The following ALOX5 variants were observed in gnomAD, a reference collection of about 807,000 sequenced individuals.
The protein encoded by ALOX5 is arachidonate 5-lipoxygenase.
In ALOX5, 64 loss-of-function variants were observed where a neutral mutation model predicts 87.9. The observed-to-expected ratio is 0.73, with a 90% confidence interval of 0.60 to 0.90. The LOEUF (loss-of-function observed/expected upper bound fraction) is 0.90. Ranked by LOEUF, ALOX5 falls within the 40% of genes least tolerant of loss-of-function variation. The pLI, the probability that ALOX5 is intolerant of heterozygous loss-of-function variation, is 0.00. For synonymous variants in ALOX5, 388 were observed against 355.1 expected (o/e 1.09, Z -1.04); for missense variants, 822 against 907.5 (o/e 0.91, Z 1.21).
rs377688105 is a variant in ALOX5 at position 45,382,724 on chromosome 10, C to G, written c.349+43C>G. 5 of 1,575,608 alleles carry G rather than the reference C, an allele frequency of 3.2e-6. No homozygotes were observed. The South Asian group carries it at 3.4e-5, about 11-fold the overall frequency. ...CTTCTGCCCCGGGCTTCCCAAGAAC[C>G]GAAAGTTCTTCCTGTCCTCAAAGCA... is the stretch of plus-strand genomic sequence containing the variant. On this transcript the variant is annotated intron_variant, in intron 2 of 13. Transcript: ENST00000374391.
At chr10:45,432,082 A>T (rs923864622) in intron 7 of ALOX5, among the ~76,000 whole-genome samples, 2 of 152,128 alleles carry the variant, frequency 1.3e-5, no homozygotes, top group African/African-American at 4.8e-5. Context: ...CAATTAAAAA[A>T]TTGAAAGATT....
At chr10:45,401,358 C>T (rs115745656) in intron 3 of ALOX5, among the ~76,000 whole-genome samples, 2,427 of 151,770 alleles carry the variant, frequency 0.016, 60 homozygotes, top group African/African-American at 0.056. Flanking sequence ...GTTTTTTTAA[C>T]TCAAAAAAGT....
At chr10:45,403,389 G>A (rs1462083545) in intron 3 of ALOX5, among the ~76,000 whole-genome samples, 1 of 152,218 alleles carries the variant, frequency 6.6e-6, no homozygotes, top group Non-Finnish European at 1.5e-5. Flanking sequence ...AATTGTTTAG[G>A]GAGGTGTGTC....
At chr10:45,407,649 AT>A (rs1200518935) in intron 3 of ALOX5, among the ~76,000 whole-genome samples, 4 of 151,946 alleles carry the variant, frequency 2.6e-5, no homozygotes, top group Admixed American at 1.3e-4. Context: ...GTGAATCTGC[AT>A]TTTTTTTAAC....
At chr10:45,408,329 A>G (rs1339204102) in intron 3 of ALOX5, among the ~76,000 whole-genome samples, 2 of 152,176 alleles carry the variant, frequency 1.3e-5, no homozygotes, top group East Asian at 3.9e-4. Context: ...CAGTCAATAC[A>G]TGTAAGATGG....
chr10:45,406,769 G>A (rs1218072148), intron 3 of ALOX5, among the ~76,000 whole-genome samples: 1 of 152,140 alleles, frequency 6.6e-6, no homozygotes, highest in Non-Finnish European at 1.5e-5. Flanking sequence ...TTGTTAGTGA[G>A]TCTGGTTAGT....
intron 4 of ALOX5, among the ~76,000 whole-genome samples, chr10:45,416,387 A>G (rs1230717762): frequency 6.6e-6 from 1 of 152,156 alleles, no homozygotes; most frequent in Non-Finnish European, 1.5e-5. Context: ...ATTAAAACCT[A>G]ACATCTGGAT....
At chr10:45,424,914 G>T (rs374061729) in intron 5 of ALOX5, 46 bp from the exon 6 acceptor site, 25 of 1,606,412 alleles carry the variant, frequency 1.6e-5, no homozygotes, top group Non-Finnish European at 2.0e-5. Flanking sequence ...GGCCCTGGCT[G>T]CCCTCTACTC....
intron 4 of ALOX5, 109 bp downstream of exon 4, chr10:45,412,422 T>A: frequency 7.0e-7 from 1 of 1,418,988 alleles, no homozygotes; most frequent in Non-Finnish European, 9.6e-7. Flanking sequence ...GGGAACAGCC[T>A]AGCTGAGCCA....
intron 6 of ALOX5, among the ~76,000 whole-genome samples, chr10:45,427,046 A>C (rs1414824526): frequency 6.6e-6 from 1 of 152,156 alleles, no homozygotes; most frequent in Non-Finnish European, 1.5e-5. Context: ...GACAGGCAAA[A>C]ACTCCACTGT....
In ALOX5 at chr10:45,443,043, C is replaced by G. The variant is rs537072496; in HGVS notation, c.1278C>G (p.Asn426Lys). Residue 426 changes from asparagine to lysine, a missense_variant, in exon 10 of 14, where the codon AAC becomes AAG. Coordinates refer to ENST00000374391, the MANE Select transcript of ALOX5 (RefSeq NM_000698.5). ...ICECGLFDKANATGGGGHVQM... is the reference protein window; with the variant it reads ...ICECGLFDKAKATGGGGHVQM... ...CACTCTACCTCCCACTCCAGGCCAACGCCACAGGGGGCGGTGGGCACGTGC... is the reference window on the plus strand; with the variant it reads ...CACTCTACCTCCCACTCCAGGCCAAGGCCACAGGGGGCGGTGGGCACGTGC... The G allele has an allele frequency of 3.7e-6, 6 of 1,611,680 alleles. No homozygotes were observed. The Admixed American group carries it at 1.0e-4, about 27-fold the overall frequency.
At chr10:45,428,444 A>T (rs140697247) in intron 6 of ALOX5, 174 bp from the exon 7 acceptor site, 24 of 778,514 alleles carry the variant, frequency 3.1e-5, no homozygotes, top group Non-Finnish European at 4.2e-5. Flanking sequence ...ACCTGTGAAC[A>T]CCTTCCATGT....
chr10:45,443,135 C>T lies in ALOX5; in HGVS notation c.1370C>T (p.Ala457Val). 3 of 1,613,900 alleles carry T rather than the reference C, an allele frequency of 1.9e-6. No homozygotes were observed. The highest frequency in any genetic ancestry group is 2.5e-6 in the Non-Finnish European group (3 of 1,180,006). The change falls in exon 10 of 14, where the codon GCC becomes GTC. Residue 457 changes from alanine (A) to valine (V), a missense_variant. Coordinates refer to ENST00000374391, the MANE Select transcript of ALOX5 (RefSeq NM_000698.5). ...ASLCFPEAIK[A>V]RGMESKEDIP... Reference sequence around the variant, plus strand: ...CTGTGCTTTCCCGAGGCCATCAAGGCCCGGGGCATGGAGAGCAAAGAAGAC... The same window carrying T: ...CTGTGCTTTCCCGAGGCCATCAAGGTCCGGGGCATGGAGAGCAAAGAAGAC...
chr10:45,426,885 G>A (rs989949876), intron 6 of ALOX5, among the ~76,000 whole-genome samples: 2 of 152,088 alleles, frequency 1.3e-5, no homozygotes, highest in African/African-American at 4.8e-5. Context: ...CACCAGCTTA[G>A]CAAACACCAC....
At chr10:45,392,648 A>G (rs1273755826) in intron 2 of ALOX5, among the ~76,000 whole-genome samples, 1 of 151,648 alleles carries the variant, frequency 6.6e-6, no homozygotes, top group African/African-American at 2.4e-5. Flanking sequence ...TCCCTCCACT[A>G]TTGTCCTATG....
chr10:45,374,326 C>T lies in ALOX5; in HGVS notation c.47C>T (p.Ala16Val), dbSNP rs916062449. ...VTVATGSQWFAGTDDYIYLSL... is the reference protein window; with the variant it reads ...VTVATGSQWFVGTDDYIYLSL... ...GTGGCCACTGGCAGCCAGTGGTTCG[C>T]CGGCACTGACGACTACATCTACCTC... is the stretch of plus-strand genomic sequence containing the variant. Residue 16 changes from alanine to valine, a missense_variant, in exon 1 of 14, where the codon GCC (alanine) becomes GTC (valine). Coordinates refer to ENST00000374391, the MANE Select transcript of ALOX5 (RefSeq NM_000698.5). 6.6e-7 allele frequency: 1 copy of T among 1,526,104 alleles called. No individual in the cohort carries two copies. Among genetic ancestry groups the T allele is most frequent in the Admixed American group, 2.1e-5 (1 of 47,474 alleles). The allele number at this position is 1,526,104 out of a possible 1,614,324, so 94.5% of individuals were successfully genotyped here. A position where few individuals can be genotyped will look rare whatever the true frequency, so the allele number is the denominator to read the frequency against.
chr10:45,430,043 A>G (rs983114179), intron 7 of ALOX5, among the ~76,000 whole-genome samples: 5 of 152,200 alleles, frequency 3.3e-5, no homozygotes, highest in African/African-American at 1.2e-4. Flanking sequence ...GTTACCAGAG[A>G]GAAGCCCTGT....
intron 2 of ALOX5, among the ~76,000 whole-genome samples, chr10:45,392,225 G>A (rs1401382765): frequency 2.6e-5 from 4 of 152,246 alleles, no homozygotes; most frequent in Non-Finnish European, 4.4e-5. Flanking sequence ...AGCTCATTGA[G>A]AACGGGCCAT....
chr10:45,439,227 A>T (rs948108010), intron 7 of ALOX5, among the ~76,000 whole-genome samples: 2 of 152,122 alleles, frequency 1.3e-5, no homozygotes, highest in African/African-American at 4.8e-5. Context: ...TGTGTGGGGT[A>T]GCATTATATG....
Sources: gnomAD v4.1 joint callset for allele counts (sites outside exome capture counted in the v4.1 genomes callset) on GRCh38, gnomAD v4.1.1 for gene constraint, MANE v1.5 for transcripts, NCBI Gene and HGNC (gene_info 2026-07-23, HGNC 2026-07-21) for gene names.